The following CNTNAP2 variants were observed in gnomAD, a reference collection of about 807,000 sequenced individuals.
CNTNAP2 encodes contactin-associated protein-like 2.
In CNTNAP2, 98 loss-of-function variants were observed where a neutral mutation model predicts 155.2. The observed-to-expected ratio is 0.63, with a 90% CI of 0.54 to 0.75. The LOEUF (loss-of-function observed/expected upper bound fraction) is 0.75, where lower values mean the gene tolerates loss of function less well. Ranked by LOEUF, CNTNAP2 falls within the 30% of genes least tolerant of loss-of-function variation. The probability of loss-of-function intolerance (pLI) is 0.00; values close to 1 mark genes in which losing one functional copy is unlikely to be tolerated. For synonymous variants in CNTNAP2, 651 were observed against 631.2 expected (o/e 1.03, Z -0.47); for missense variants, 1,727 against 1,688.1 (o/e 1.02, Z -0.40).
intron 1 of CNTNAP2, among the ~76,000 whole-genome samples, chr7:146,703,110 G>A (rs779393435): frequency 3.3e-5 from 5 of 152,136 alleles, no homozygotes; most frequent in Non-Finnish European, 7.4e-5. Context: ...GTCAGCAGAT[G>A]TATCTATGCT....
intron 1 of CNTNAP2, among the ~76,000 whole-genome samples, chr7:146,331,863 G>A (rs546032668): frequency 7.2e-5 from 11 of 152,260 alleles, no homozygotes; most frequent in Non-Finnish European, 2.9e-5. Flanking sequence ...TATTACATAC[G>A]TGAAGGTGCT....
chr7:146,940,266 C>A (rs1797023262), intron 3 of CNTNAP2, among the ~76,000 whole-genome samples: 1 of 151,852 alleles, frequency 6.6e-6, no homozygotes, highest in Non-Finnish European at 1.5e-5. Context: ...AGTGCAGTGG[C>A]ACGATTTGGG....
chr7:148,003,281 A>G (rs916699969), intron 15 of CNTNAP2, among the ~76,000 whole-genome samples: 19 of 152,158 alleles, frequency 1.2e-4, no homozygotes, highest in Non-Finnish European at 2.2e-4. Context: ...CTAGGGAAAG[A>G]CTTTGCAGTG....
intron 1 of CNTNAP2, among the ~76,000 whole-genome samples, chr7:146,701,383 A>G (rs1269648978): frequency 6.6e-6 from 1 of 151,976 alleles, no homozygotes; most frequent in Non-Finnish European, 1.5e-5. Flanking sequence ...GCAGAATCCT[A>G]TTAGCATGTT....
At chr7:148,094,817 G>A (rs1395912131) in intron 15 of CNTNAP2, among the ~76,000 whole-genome samples, 3 of 152,182 alleles carry the variant, frequency 2.0e-5, no homozygotes, top group South Asian at 4.1e-4. Flanking sequence ...AGTTAAGCAC[G>A]TTCTGATAGA....
chr7:148,276,315 A>G (rs1416468653), intron 21 of CNTNAP2, among the ~76,000 whole-genome samples: 2 of 152,204 alleles, frequency 1.3e-5, no homozygotes, highest in Admixed American at 1.3e-4. Flanking sequence ...AGGGAAAGGG[A>G]TGGAGCATTA....
chr7:146,495,262 C>T (rs928075958), intron 1 of CNTNAP2, among the ~76,000 whole-genome samples: 1 of 152,154 alleles, frequency 6.6e-6, no homozygotes, highest in African/African-American at 2.4e-5. Context: ...ATTGTTTTCT[C>T]ATTTCCATGT....
intron 6 of CNTNAP2, among the ~76,000 whole-genome samples, chr7:147,125,414 A>C (rs1725706952): frequency 6.6e-6 from 1 of 152,168 alleles, no homozygotes; most frequent in South Asian, 2.1e-4. Context: ...ACCTGCAATG[A>C]GGCTGCTAGC....
chr7:148,070,634 C>G (rs1477142683), intron 15 of CNTNAP2, among the ~76,000 whole-genome samples: 1 of 152,144 alleles, frequency 6.6e-6, no homozygotes, highest in Non-Finnish European at 1.5e-5. Flanking sequence ...AGAAGAATTG[C>G]TTGAACCCAG....
At chr7:146,812,163 C>T (rs553275603) in intron 2 of CNTNAP2, among the ~76,000 whole-genome samples, 5 of 151,964 alleles carry the variant, frequency 3.3e-5, no homozygotes, top group Non-Finnish European at 7.4e-5. Context: ...CAGAAGAAGA[C>T]AGGAAAATGT....
chr7:148,273,484 A>G (rs757071033), intron 21 of CNTNAP2, among the ~76,000 whole-genome samples: 1 of 152,200 alleles, frequency 6.6e-6, no homozygotes, highest in Non-Finnish European at 1.5e-5. Flanking sequence ...TTTTAATTTT[A>G]TTTCTGAGCC....
intron 13 of CNTNAP2, among the ~76,000 whole-genome samples, chr7:147,652,157 A>G (rs1485436439): frequency 1.3e-5 from 2 of 152,214 alleles, no homozygotes; most frequent in African/African-American, 4.8e-5. Context: ...CTGAAATACT[A>G]GTAACACTGA....
intron 9 of CNTNAP2, among the ~76,000 whole-genome samples, chr7:147,303,687 C>A (rs534606905): frequency 6.6e-6 from 1 of 152,166 alleles, no homozygotes; most frequent in African/African-American, 2.4e-5. Context: ...CTGTATCTTA[C>A]TTTCTTCATC....
intron 21 of CNTNAP2, among the ~76,000 whole-genome samples, chr7:148,338,108 C>T (rs569138296): frequency 7.2e-5 from 11 of 152,102 alleles, no homozygotes; most frequent in Non-Finnish European, 1.2e-4. Flanking sequence ...GTACTTCCAG[C>T]CCCTGAGAGC....
At chr7:147,393,998 G>A (rs2116450381) in intron 9 of CNTNAP2, among the ~76,000 whole-genome samples, 1 of 152,078 alleles carries the variant, frequency 6.6e-6, no homozygotes, top group Admixed American at 6.6e-5. Flanking sequence ...TTTTGAAAAT[G>A]TCACTTAATA....
At chr7:146,938,500 T>C (rs1252297250) in intron 3 of CNTNAP2, among the ~76,000 whole-genome samples, 2 of 151,462 alleles carry the variant, frequency 1.3e-5, no homozygotes, top group Non-Finnish European at 2.9e-5. Flanking sequence ...CTTTTGTACA[T>C]TGTATTCTGC....
At chr7:146,292,711 A>C (rs1037626078) in intron 1 of CNTNAP2, among the ~76,000 whole-genome samples, 3 of 152,222 alleles carry the variant, frequency 2.0e-5, no homozygotes, top group African/African-American at 4.8e-5. Flanking sequence ...TACAAAAGAA[A>C]TGTTGTCATT....
intron 8 of CNTNAP2, among the ~76,000 whole-genome samples, chr7:147,250,463 T>C (rs1804172881): frequency 1.3e-5 from 2 of 152,168 alleles, no homozygotes; most frequent in African/African-American, 4.8e-5. Flanking sequence ...GGAAATTCCC[T>C]CTGAAATCCT....
At chr7:146,128,406 A>G (rs907070913) in intron 1 of CNTNAP2, among the ~76,000 whole-genome samples, 1 of 152,162 alleles carries the variant, frequency 6.6e-6, no homozygotes, top group African/African-American at 2.4e-5. Flanking sequence ...CCTTGCATTG[A>G]TACAGATTTA....
Sources: gnomAD v4.1 joint callset for allele counts (sites outside exome capture counted in the v4.1 genomes callset) on GRCh38, gnomAD v4.1.1 for gene constraint, MANE v1.5 for transcripts, NCBI Gene and HGNC (gene_info 2026-07-23, HGNC 2026-07-21) for gene names.